Variants in METTL15 observed in about 807,000 individuals in gnomAD.
METTL15 encodes the protein 12S rRNA N(4)-cytidine methyltransferase METTL15.
METTL15 carries 34 observed loss-of-function variants against 38.3 expected under a neutral mutation model. The observed-to-expected ratio is 0.89, with a 90% CI of 0.68 to 1.18. The LOEUF is 1.18. METTL15 is among the 50% of genes most tolerant of loss of function. The probability of loss-of-function intolerance (pLI) is 0.00; values close to 1 mark genes in which losing one functional copy is unlikely to be tolerated. For synonymous variants in METTL15, 162 were observed against 170.9 expected, an observed-to-expected ratio of 0.95 and a Z score of 0.41; for missense variants, 438 against 498.4, an observed-to-expected ratio of 0.88 and a Z score of 1.15.
At chr11:28,312,997 T>C (rs371947691) in intron 6 of METTL15, among the ~76,000 whole-genome samples, 114 of 152,032 alleles carry the variant, frequency 7.5e-4, no homozygotes, top group African/African-American at 2.4e-3. Context: ...TTTTAAGCCC[T>C]GTCACTCTCG....
At chr11:28,531,839 T>C (rs117489527), downstream of METTL15, among the ~76,000 whole-genome samples, 320 of 152,154 alleles carry the variant, frequency 2.1e-3, no homozygotes, top group Non-Finnish European at 2.8e-3. Flanking sequence ...CAGAGAATCC[T>C]GCATATCTTT....
intron 4 of METTL15, among the ~76,000 whole-genome samples, chr11:28,284,210 A>G (rs539086079): frequency 1.3e-5 from 2 of 152,144 alleles, no homozygotes; most frequent in African/African-American, 4.8e-5. Context: ...TCATTTTTTT[A>G]TATACTTTCA....
chr11:28,385,444 A>G (rs1309367422), intron 5 of METTL15, among the ~76,000 whole-genome samples: 1 of 152,078 alleles, frequency 6.6e-6, no homozygotes. Flanking sequence ...CAAAGATTAG[A>G]TGGTTGCAGA....
intron 3 of METTL15, among the ~76,000 whole-genome samples, chr11:28,177,360 A>G (rs1851115735): frequency 6.6e-6 from 1 of 152,040 alleles, no homozygotes; most frequent in Non-Finnish European, 1.5e-5. Context: ...ATCAAGAAAA[A>G]TGCTGGTTTC....
chr11:28,425,530 T>G (rs1850856167), intron 6 of METTL15, among the ~76,000 whole-genome samples: 1 of 152,222 alleles, frequency 6.6e-6, no homozygotes, highest in African/African-American at 2.4e-5. Context: ...TTGAACAAGT[T>G]GTTCTTTCCC....
chr11:28,522,962 A>T (rs996901082), intron 6 of METTL15, among the ~76,000 whole-genome samples: 11 of 152,254 alleles, frequency 7.2e-5, no homozygotes, highest in African/African-American at 2.4e-4. Context: ...AATGCCAAGA[A>T]CTTTGCGAGG....
intron 3 of METTL15, among the ~76,000 whole-genome samples, chr11:28,196,298 G>A (rs1851906870): frequency 6.6e-6 from 1 of 151,920 alleles, no homozygotes; most frequent in Non-Finnish European, 1.5e-5. Context: ...GGGCAGTATG[G>A]TCATGTTCAT....
intron 6 of METTL15, among the ~76,000 whole-genome samples, chr11:28,491,453 G>A (rs1034454160): frequency 3.3e-5 from 5 of 152,162 alleles, no homozygotes; most frequent in South Asian, 2.1e-4. Flanking sequence ...TATTGGTCAC[G>A]TCAGGTGCAT....
At chr11:28,491,152 G>A (rs186598121) in intron 6 of METTL15, among the ~76,000 whole-genome samples, 92 of 152,206 alleles carry the variant, frequency 6.0e-4, no homozygotes, top group Non-Finnish European at 1.1e-3. Flanking sequence ...AAAGGGGCTG[G>A]GAAAGCAGAT....
At chr11:28,193,086 T>C (rs1284540242) in intron 3 of METTL15, among the ~76,000 whole-genome samples, 1 of 152,134 alleles carries the variant, frequency 6.6e-6, no homozygotes, top group Admixed American at 6.6e-5. Context: ...TAAATTCCAC[T>C]GGATTTTAAG....
chr11:28,287,216 G>C, intron 4 of METTL15: 1 of 204,988 alleles, frequency 4.9e-6, no homozygotes, highest in Admixed American at 6.7e-5. Context: ...CATTTTATTT[G>C]TAAATTTGTA....
intron 6 of METTL15, among the ~76,000 whole-genome samples, chr11:28,466,162 T>A (rs1331993057): frequency 6.6e-6 from 1 of 151,004 alleles, no homozygotes. Context: ...CCATTTTGGG[T>A]CAGACATCTA....
intron 6 of METTL15, among the ~76,000 whole-genome samples, chr11:28,437,287 T>C (rs1216968783): frequency 6.6e-6 from 1 of 152,230 alleles, no homozygotes; most frequent in African/African-American, 2.4e-5. Context: ...CTCCCTTTCA[T>C]ATCTACATAT....
At chr11:28,259,879 G>A (rs553028889) in intron 4 of METTL15, among the ~76,000 whole-genome samples, 28 of 152,122 alleles carry the variant, frequency 1.8e-4, no homozygotes, top group Non-Finnish European at 3.5e-4. Flanking sequence ...TGCAGTAGGG[G>A]AACATCAGTA....
At chr11:28,109,250 CAG>C (rs1236682263) in intron 1 of METTL15, among the ~76,000 whole-genome samples, 1 of 152,278 alleles carries the variant, frequency 6.6e-6, no homozygotes, top group South Asian at 2.1e-4. Flanking sequence ...GATCACTAGA[CAG>C]AGGATCAATA....
chr11:28,272,908 C>A (rs1855702361), intron 4 of METTL15, among the ~76,000 whole-genome samples: 1 of 152,080 alleles, frequency 6.6e-6, no homozygotes, highest in Non-Finnish European at 1.5e-5. Flanking sequence ...TGACCTTGAG[C>A]AACTGTTTTA....
At chr11:28,176,879 T>TTA (rs1366063494) in intron 3 of METTL15, among the ~76,000 whole-genome samples, 1 of 152,130 alleles carries the variant, frequency 6.6e-6, no homozygotes, top group Non-Finnish European at 1.5e-5. Flanking sequence ...AATACACACT[T>TTA]GATAAATACT....
rs530779335 is a variant in METTL15, at chr11:28,290,034, C to T, written c.408-172C>T. Among the ~76,000 whole-genome samples, 30 of 152,200 alleles carry T rather than the reference C, an allele frequency of 2.0e-4. No homozygotes were observed. In the South Asian group the frequency reaches 2.5e-3, roughly 13 times the overall value. ...ATTAAACCAGCTCTGGTGTTTGAAA[C>T]CCAAGATGTATAGTTTCCATATCCA... On this transcript the variant is annotated intron_variant, in intron 4 of 6. Transcript: ENST00000407364.
intron 4 of METTL15, among the ~76,000 whole-genome samples, chr11:28,264,820 A>G (rs965596224): frequency 6.6e-6 from 1 of 152,156 alleles, no homozygotes. Context: ...CCTTATCTAT[A>G]CAATGAAGAG....
Sources: allele counts gnomAD v4.1 joint callset (sites outside exome capture counted in the v4.1 genomes callset), GRCh38; gene constraint gnomAD v4.1.1; transcripts MANE v1.5; gene names NCBI Gene and HGNC (gene_info 2026-07-23, HGNC 2026-07-21).